DOK6: variants seen among roughly 807,000 people sequenced by gnomAD.
DOK6 encodes docking protein 6.
In DOK6, 22 loss-of-function variants were observed where a neutral mutation model predicts 44.0. The observed-to-expected ratio is 0.50, with a 90% CI of 0.36 to 0.71. The LOEUF (loss-of-function observed/expected upper bound fraction) is 0.71. Ranked by LOEUF, DOK6 falls within the 30% of genes least tolerant of loss-of-function variation. The pLI is 0.00. For missense variants in DOK6, 340 were observed against 416.4 expected (o/e 0.82, Z 1.60); for synonymous variants, 166 against 145.5 (o/e 1.14, Z -1.01).
chr18:69,485,275 A>C (rs559556545), intron 1 of DOK6, among the ~76,000 whole-genome samples: 1 of 152,214 alleles, frequency 6.6e-6, no homozygotes, highest in Non-Finnish European at 1.5e-5. Flanking sequence ...CTTGCTAGAA[A>C]TTTGTCGTGA....
intron 1 of DOK6, among the ~76,000 whole-genome samples, chr18:69,405,436 G>T (rs994872553): frequency 6.6e-6 from 1 of 152,012 alleles, no homozygotes; most frequent in African/African-American, 2.4e-5. Flanking sequence ...GAAAGTCAGC[G>T]GGGTCTGGTG....
intron 1 of DOK6, among the ~76,000 whole-genome samples, chr18:69,556,237 C>T (rs952979693): frequency 2.6e-5 from 4 of 152,138 alleles, no homozygotes; most frequent in Admixed American, 6.5e-5. Flanking sequence ...ATTCCCTGCC[C>T]TCCACGCTGG....
chr18:69,707,709 T>TCAG (rs1986665206), intron 5 of DOK6, among the ~76,000 whole-genome samples: 1 of 152,224 alleles, frequency 6.6e-6, no homozygotes, highest in Non-Finnish European at 1.5e-5. Flanking sequence ...TGCTTTGGCT[T>TCAG]CAGCAGGTGT....
Position 69,634,001 on chromosome 18 carries a change from A to G in DOK6, c.289+34503A>G, listed in dbSNP as rs183541427. Among the ~76,000 whole-genome samples the G allele has an allele frequency of 6.2e-3, 946 of 152,210 alleles. 11 individuals carry two copies. Among genetic ancestry groups the G allele is most frequent in the African/African-American group, 0.022 (899 of 41,544 alleles). On this transcript the variant is annotated intron_variant, in intron 3 of 7. Transcript: ENST00000382713. Reference sequence around the variant, plus strand: ...AAGAAAACATAAATGAAAAGAGACTATTAATTTAGCAGTGACTTTGATCTA... The same window carrying G: ...AAGAAAACATAAATGAAAAGAGACTGTTAATTTAGCAGTGACTTTGATCTA...
At chr18:69,581,690 A>G (rs1237596098) in intron 2 of DOK6, among the ~76,000 whole-genome samples, 1 of 152,196 alleles carries the variant, frequency 6.6e-6, no homozygotes, top group East Asian at 1.9e-4. Context: ...TTCCTCTCCC[A>G]TCTCTACTAA....
intron 3 of DOK6, among the ~76,000 whole-genome samples, chr18:69,622,984 T>C (rs8091276): frequency 0.71 from 107,984 of 152,046 alleles, 40,943 homozygotes; most frequent in Non-Finnish European, 0.85. Flanking sequence ...TGGCTCTGGG[T>C]CCCCACCCAA....
At chr18:69,537,405 T>C (rs1982154181) in intron 1 of DOK6, among the ~76,000 whole-genome samples, 1 of 152,040 alleles carries the variant, frequency 6.6e-6, no homozygotes. Flanking sequence ...CTTCAGTGAG[T>C]TGGATTTATT....
intron 7 of DOK6, among the ~76,000 whole-genome samples, chr18:69,804,001 A>G (rs568542644): frequency 6.6e-6 from 1 of 152,356 alleles, no homozygotes; most frequent in South Asian, 2.1e-4. Context: ...TTGGTTAAAT[A>G]TAAACCAAAA....
chr18:69,811,472 G>C (rs1249983584), intron 7 of DOK6, among the ~76,000 whole-genome samples: 1 of 145,592 alleles, frequency 6.9e-6, no homozygotes, highest in Non-Finnish European at 1.5e-5. Flanking sequence ...ATAAAAAAAT[G>C]TTAAGTATGT....
At chr18:69,694,549 A>G (rs1383255989) in intron 4 of DOK6, among the ~76,000 whole-genome samples, 2 of 151,846 alleles carry the variant, frequency 1.3e-5, no homozygotes, top group East Asian at 1.9e-4. Flanking sequence ...TTTCTCACAT[A>G]TTAGCTAATA....
At chr18:69,679,801 T>A (rs1288196629) in intron 4 of DOK6, among the ~76,000 whole-genome samples, 1 of 152,226 alleles carries the variant, frequency 6.6e-6, no homozygotes, top group Non-Finnish European at 1.5e-5. Context: ...ATCATAATTT[T>A]ATTTCTAATT....
At chr18:69,645,595 G>A (rs776307070) in intron 3 of DOK6, among the ~76,000 whole-genome samples, 1 of 151,998 alleles carries the variant, frequency 6.6e-6, no homozygotes, top group Non-Finnish European at 1.5e-5. Context: ...TAGACATAGT[G>A]TGAAAAACAG....
chr18:69,755,808 G>A (rs1221757164), intron 6 of DOK6, among the ~76,000 whole-genome samples: 1 of 152,176 alleles, frequency 6.6e-6, no homozygotes, highest in East Asian at 1.9e-4. Flanking sequence ...CCAGGTTCTT[G>A]TCTCACAACC....
chr18:69,514,445 G>A (rs1981459201), intron 1 of DOK6, among the ~76,000 whole-genome samples: 1 of 152,042 alleles, frequency 6.6e-6, no homozygotes, highest in Non-Finnish European at 1.5e-5. Context: ...ATTTTAATAG[G>A]ATATTGTGTT....
intron 1 of DOK6, among the ~76,000 whole-genome samples, chr18:69,534,485 A>T (rs1288120148): frequency 6.6e-6 from 1 of 152,008 alleles, no homozygotes; most frequent in African/African-American, 2.4e-5. Flanking sequence ...ATTATTCTAT[A>T]TTTGCTTCTA....
At chr18:69,721,024 T>G (rs1483657680) in intron 5 of DOK6, among the ~76,000 whole-genome samples, 4 of 152,180 alleles carry the variant, frequency 2.6e-5, no homozygotes, top group Non-Finnish European at 4.4e-5. Flanking sequence ...TTAATGTTGT[T>G]TGTGTTCACT....
At chr18:69,533,381 A>C (rs774428528) in intron 1 of DOK6, among the ~76,000 whole-genome samples, 3 of 152,108 alleles carry the variant, frequency 2.0e-5, no homozygotes, top group Admixed American at 6.6e-5. Context: ...CATGTCCTCT[A>C]TAATACAGAA....
intron 1 of DOK6, among the ~76,000 whole-genome samples, chr18:69,563,230 G>A (rs963677862): frequency 6.6e-6 from 1 of 152,194 alleles, no homozygotes; most frequent in Non-Finnish European, 1.5e-5. Flanking sequence ...AACCATTGTG[G>A]AAGTCAGTGT....
At chr18:69,498,398 T>C (rs1421558684) in intron 1 of DOK6, among the ~76,000 whole-genome samples, 1 of 152,200 alleles carries the variant, frequency 6.6e-6, no homozygotes, top group Non-Finnish European at 1.5e-5. Context: ...AAGATTTTCT[T>C]TGAAGAACAG....
Sources: gnomAD v4.1 joint callset for allele counts (sites outside exome capture counted in the v4.1 genomes callset) on GRCh38, gnomAD v4.1.1 for gene constraint, MANE v1.5 for transcripts, NCBI Gene and HGNC (gene_info 2026-07-23, HGNC 2026-07-21) for gene names.